The following PLPPR1 variants were observed in gnomAD, a reference collection of about 807,000 sequenced individuals.
PLPPR1 encodes the protein phospholipid phosphatase related 1, also known as phospholipid phosphatase-related protein type 1.
Under a neutral mutation model 33.1 loss-of-function variants are expected in PLPPR1, and 10 were observed. The ratio of observed to expected loss-of-function variants is 0.30; its 90% CI spans 0.19 to 0.51. The LOEUF (loss-of-function observed/expected upper bound fraction) is 0.51, where lower values mean the gene tolerates loss of function less well. Among genes scored for constraint, PLPPR1 ranks in the 20% least tolerant of loss-of-function variants. The probability of loss-of-function intolerance (pLI) is 0.97; values close to 1 mark genes in which losing one functional copy is unlikely to be tolerated. For missense variants in PLPPR1, 304 were observed against 408.1 expected, an observed-to-expected ratio of 0.74 and a Z score of 2.20; for synonymous variants, 151 against 151.0, an observed-to-expected ratio of 1.00 and a Z score of 0.00.
chr9:101,172,373 G>A (rs994327300), intron 1 of PLPPR1, among the ~76,000 whole-genome samples: 7 of 151,616 alleles, frequency 4.6e-5, no homozygotes, highest in African/African-American at 1.7e-4. Flanking sequence ...AACAAAATAT[G>A]CTGCAAGGAG....
At chr9:101,205,116 C>CA (rs1176578434) in intron 2 of PLPPR1, among the ~76,000 whole-genome samples, 2 of 152,092 alleles carry the variant, frequency 1.3e-5, no homozygotes, top group Admixed American at 6.6e-5. Context: ...TTCATAAGAT[C>CA]AATGCATGCT....
At chr9:101,168,036 A>G (rs1188481782) in intron 1 of PLPPR1, among the ~76,000 whole-genome samples, 3 of 152,246 alleles carry the variant, frequency 2.0e-5, no homozygotes, top group Non-Finnish European at 4.4e-5. Context: ...ATTCACTATC[A>G]TAAGAATAGC....
intron 2 of PLPPR1, among the ~76,000 whole-genome samples, chr9:101,203,269 A>C (rs543413844): frequency 6.6e-6 from 1 of 152,314 alleles, no homozygotes; most frequent in South Asian, 2.1e-4. Context: ...AGATTGGTGC[A>C]AAAGTAATTG....
chr9:101,094,894 C>T (rs1830795591), intron 1 of PLPPR1, among the ~76,000 whole-genome samples: 1 of 152,118 alleles, frequency 6.6e-6, no homozygotes, highest in Admixed American at 6.5e-5. Context: ...CAGTCTATCT[C>T]CATTCTAGAA....
intron 1 of PLPPR1, among the ~76,000 whole-genome samples, chr9:101,091,412 C>T (rs1373749555): frequency 6.6e-6 from 1 of 152,158 alleles, no homozygotes; most frequent in Non-Finnish European, 1.5e-5. Context: ...GGCGGCATGT[C>T]TTCTGGAGGC....
chr9:101,153,679 A>G (rs985419874), intron 1 of PLPPR1, among the ~76,000 whole-genome samples: 1 of 151,928 alleles, frequency 6.6e-6, no homozygotes, highest in Non-Finnish European at 1.5e-5. Context: ...GGTTCACACC[A>G]TTCTTCTGCC....
intron 2 of PLPPR1, among the ~76,000 whole-genome samples, chr9:101,233,948 T>C (rs546746927): frequency 1.3e-5 from 2 of 152,096 alleles, no homozygotes; most frequent in South Asian, 2.1e-4. Flanking sequence ...TAAGGCTACT[T>C]GACCCTTTAA....
At chr9:101,115,321 A>C (rs898396482) in intron 1 of PLPPR1, among the ~76,000 whole-genome samples, 13 of 152,204 alleles carry the variant, frequency 8.5e-5, no homozygotes, top group South Asian at 2.1e-4. Flanking sequence ...AGCAACCTGC[A>C]TAAATTTAGC....
chr9:101,234,926 T>G (rs924030444), intron 2 of PLPPR1, among the ~76,000 whole-genome samples: 2 of 151,946 alleles, frequency 1.3e-5, no homozygotes, highest in South Asian at 4.1e-4. Flanking sequence ...TCATTAAGTC[T>G]CAGGATTCTA....
At chr9:101,135,142 G>A (rs117742346) in intron 1 of PLPPR1, among the ~76,000 whole-genome samples, 3,677 of 152,208 alleles carry the variant, frequency 0.024, 69 homozygotes, top group South Asian at 0.041. Flanking sequence ...CCTGGACTGG[G>A]GAAATTAGCT....
At chr9:101,277,532 C>A (rs963002897) in intron 3 of PLPPR1, among the ~76,000 whole-genome samples, 1 of 152,162 alleles carries the variant, frequency 6.6e-6, no homozygotes, top group Admixed American at 6.5e-5. Flanking sequence ...GACTGAACTG[C>A]GATTGAAGCC....
At chr9:101,097,721 G>A (rs554120213) in intron 1 of PLPPR1, among the ~76,000 whole-genome samples, 3 of 152,200 alleles carry the variant, frequency 2.0e-5, no homozygotes, top group East Asian at 1.9e-4. Flanking sequence ...GGCCACATTC[G>A]GAATGGAATC....
At chr9:101,058,001 C>T (rs1830298459) in intron 1 of PLPPR1, among the ~76,000 whole-genome samples, 1 of 152,080 alleles carries the variant, frequency 6.6e-6, no homozygotes. Context: ...TGCTCTGCCC[C>T]ATCTGAGCCC....
intron 1 of PLPPR1, among the ~76,000 whole-genome samples, chr9:101,137,527 G>A (rs1831391310): frequency 6.6e-6 from 1 of 152,160 alleles, no homozygotes; most frequent in Admixed American, 6.5e-5. Context: ...GGGTGGAGGT[G>A]GTCCTGTGTT....
chr9:101,268,759 CT>C (rs1326515307), intron 2 of PLPPR1, among the ~76,000 whole-genome samples: 1 of 152,172 alleles, frequency 6.6e-6, no homozygotes, highest in Admixed American at 6.5e-5. Flanking sequence ...CCATAGATAT[CT>C]AAAGATGTCC....
intron 1 of PLPPR1, among the ~76,000 whole-genome samples, chr9:101,123,763 G>T (rs1831206178): frequency 6.6e-6 from 1 of 152,138 alleles, no homozygotes; most frequent in South Asian, 2.1e-4. Context: ...AGAGCAAGGA[G>T]CCAGCAAGTC....
intron 3 of PLPPR1, among the ~76,000 whole-genome samples, chr9:101,270,275 G>A (rs1028668186): frequency 2.0e-5 from 3 of 151,742 alleles, no homozygotes; most frequent in Non-Finnish European, 2.9e-5. Flanking sequence ...TTGTTTTTCG[G>A]TATCTGAATT....
chr9:101,321,833 TATC>T (rs1228936976), intron 7 of PLPPR1, among the ~76,000 whole-genome samples: 16 of 148,232 alleles, frequency 1.1e-4, no homozygotes, highest in Non-Finnish European at 2.2e-4. Context: ...CATACATACA[TATC>T]ATTTAATTTT....
At chr9:101,204,804 A>C (rs1457151566) in intron 2 of PLPPR1, among the ~76,000 whole-genome samples, 1 of 152,144 alleles carries the variant, frequency 6.6e-6, no homozygotes, top group Non-Finnish European at 1.5e-5. Context: ...TAGGTATATG[A>C]GATGCTCACC....
Sources: gnomAD v4.1 joint callset for allele counts (sites outside exome capture counted in the v4.1 genomes callset) on GRCh38, gnomAD v4.1.1 for gene constraint, MANE v1.5 for transcripts, NCBI Gene and HGNC (gene_info 2026-07-23, HGNC 2026-07-21) for gene names.